Variants in COL11A1 observed in about 807,000 individuals in gnomAD.
COL11A1 encodes collagen type XI alpha 1 chain, also known as collagen alpha-1(XI) chain.
COL11A1 carries 74 observed loss-of-function variants against 265.2 expected under a neutral mutation model. That is an observed-to-expected ratio of 0.28 (90% CI 0.23 to 0.34). COL11A1 has a LOEUF of 0.34. Ranked by LOEUF, COL11A1 falls within the 10% of genes least tolerant of loss-of-function variation. The probability of loss-of-function intolerance (pLI) is 1.00; values close to 1 mark genes in which losing one functional copy is unlikely to be tolerated. For missense variants in COL11A1, 2,165 were observed against 2,263.6 expected, an observed-to-expected ratio of 0.96 and a Z score of 0.88; for synonymous variants, 816 against 727.6, an observed-to-expected ratio of 1.12 and a Z score of -1.96.
rs143801139 is a variant in COL11A1 at position 103,018,062 on chromosome 1, T to C, written c.1351-180A>G. Among the ~76,000 whole-genome samples the C allele has an allele frequency of 2.3e-3, 357 of 152,262 alleles. 2 individuals are homozygous for C. The highest frequency in any genetic ancestry group is 8.2e-3 in the African/African-American group (339 of 41,552). On this transcript the variant is annotated intron_variant, in intron 10 of 66. Coordinates refer to ENST00000370096, the MANE Select transcript of COL11A1 (RefSeq NM_001854.4). ...CATATAGAAACCAATTTGTAGCTAG[T>C]TCAGCTGCTCTCAGGGTGGAGGCAA... is the stretch of plus-strand genomic sequence containing the variant.
intron 4 of COL11A1, among the ~76,000 whole-genome samples, chr1:103,044,750 T>A (rs1453660595): frequency 6.6e-6 from 1 of 152,142 alleles, no homozygotes; most frequent in Non-Finnish European, 1.5e-5. Context: ...TAGTATTACA[T>A]GTCAGGTACT....
In COL11A1 at chr1:103,047,779, C is replaced by A. The variant is rs187462902; in HGVS notation, c.652-16535G>T. ...CTTATTATTTTGAGATATGACCCATCAATACCTAATTTATTGAGAGTTTTT... is the reference window on the plus strand; with the variant it reads ...CTTATTATTTTGAGATATGACCCATAAATACCTAATTTATTGAGAGTTTTT... On this transcript the variant is annotated intron_variant, in intron 4 of 66. Coordinates refer to ENST00000370096, the MANE Select transcript of COL11A1 (RefSeq NM_001854.4). 7.2e-5 allele frequency among the ~76,000 whole-genome samples: 11 copies of A among 152,226 alleles called. No homozygotes were observed. In the East Asian group the frequency reaches 2.1e-3, roughly 29 times the overall value.
chr1:102,979,183 C>G, intron 32 of COL11A1, 79 bp from the exon 33 acceptor site: 1 of 1,351,376 alleles, frequency 7.4e-7, no homozygotes. Flanking sequence ...AGTAGTCATG[C>G]AAGAACATCA....
intron 24 of COL11A1, 80 bp from the exon 25 acceptor site, chr1:102,998,443 T>A: frequency 5.6e-6 from 5 of 890,144 alleles, no homozygotes; most frequent in African/African-American, 1.7e-5. Flanking sequence ...ATGAATGAAA[T>A]TCTTATCCTG....
chr1:103,000,680 G>T (rs539249396), intron 24 of COL11A1, among the ~76,000 whole-genome samples: 1 of 151,798 alleles, frequency 6.6e-6, no homozygotes, highest in Non-Finnish European at 1.5e-5. Flanking sequence ...TGGTACAATC[G>T]ATATGGAAAA....
rs1340828110 is a variant in COL11A1, at chr1:103,031,204, G to A, written c.692C>T (p.Ala231Val). ...QQFLITGDPK[A>V]AYDYCEHYSP... Reference sequence around the variant, plus strand: ...ATAATGCTCACAGTAGTCATATGCTGCCTTGGGATCACCTGTGATCAAAAA... The same window carrying A: ...ATAATGCTCACAGTAGTCATATGCTACCTTGGGATCACCTGTGATCAAAAA... The change falls in exon 5 of 67, where the codon GCA becomes GTA. Residue 231 changes from alanine to valine, a missense_variant. Coordinates refer to ENST00000370096, the MANE Select transcript of COL11A1 (RefSeq NM_001854.4). The A allele has an allele frequency of 4.3e-6, 7 of 1,609,226 alleles. No homozygotes were observed. The highest frequency in any genetic ancestry group is 5.9e-6 in the Non-Finnish European group (7 of 1,179,362).
At chr1:102,913,962 T>C (rs1655005296) in intron 52 of COL11A1, among the ~76,000 whole-genome samples, 1 of 152,214 alleles carries the variant, frequency 6.6e-6, no homozygotes, top group African/African-American at 2.4e-5. Context: ...TAGTATACAA[T>C]GTCAGTGAAT....
At chr1:103,098,993 A>C (rs1003611058) in intron 1 of COL11A1, among the ~76,000 whole-genome samples, 1 of 151,814 alleles carries the variant, frequency 6.6e-6, no homozygotes, top group African/African-American at 2.4e-5. Context: ...ACATAGCTAT[A>C]TATCACATCT....
intron 4 of COL11A1, among the ~76,000 whole-genome samples, chr1:103,037,895 C>A (rs1310988382): frequency 6.6e-6 from 1 of 151,986 alleles, no homozygotes; most frequent in Admixed American, 6.6e-5. Flanking sequence ...ATTTCATCTC[C>A]CTAAATGCTA....
intron 4 of COL11A1, among the ~76,000 whole-genome samples, chr1:103,067,761 A>G (rs1446695885): frequency 1.3e-5 from 2 of 151,682 alleles, no homozygotes; most frequent in African/African-American, 4.8e-5. Flanking sequence ...AATAAAAAGT[A>G]GTTTTCAGTA....
At chr1:103,033,272 T>C (rs1396137213) in intron 4 of COL11A1, among the ~76,000 whole-genome samples, 1 of 152,104 alleles carries the variant, frequency 6.6e-6, no homozygotes, top group Non-Finnish European at 1.5e-5. Flanking sequence ...ATTTTGCTAT[T>C]TGTTTTCTAC....
At chr1:103,075,223 A>T (rs1671884706) in intron 3 of COL11A1, among the ~76,000 whole-genome samples, 1 of 152,186 alleles carries the variant, frequency 6.6e-6, no homozygotes, top group Non-Finnish European at 1.5e-5. Flanking sequence ...ATTGACTGTA[A>T]CAGGGTATGT....
At position 102,967,244 on chromosome 1, in the gene COL11A1, T is replaced by TTTTA. The variant is rs1196852689; in HGVS notation, c.2863-1705_2863-1704insTAAA. Among the ~76,000 whole-genome samples, 10 of 108,842 alleles carry TTTTA rather than the reference T, an allele frequency of 9.2e-5. 1 individual carries two copies. Among genetic ancestry groups the TTTTA allele is most frequent in the Non-Finnish European group, 1.7e-4 (9 of 52,648 alleles). The allele number at this position is 108,842 out of a possible 152,430, so 71.4% of individuals were successfully genotyped here. A position where few individuals can be genotyped will look rare whatever the true frequency, so the allele number is the denominator to read the frequency against. The stretch of plus-strand genomic sequence containing the variant: ...AATAAATTCTTTTTTTTTTTTTTTT[T>TTTTA]TTTTTTTTTTTTTTGAGACGGAGTC... On this transcript the variant is annotated intron_variant, in intron 37 of 66. Coordinates refer to ENST00000370096, the MANE Select transcript of COL11A1 (RefSeq NM_001854.4).
chr1:102,958,156 A>T (rs1010354224), intron 41 of COL11A1, among the ~76,000 whole-genome samples: 6 of 152,120 alleles, frequency 3.9e-5, no homozygotes, highest in Non-Finnish European at 8.8e-5. Context: ...TATAAAATGA[A>T]TTTTTAGAAG....
intron 1 of COL11A1, chr1:103,100,167 C>CTGA: frequency 6.6e-6 from 1 of 151,786 alleles, no homozygotes; most frequent in African/African-American, 2.4e-5. Flanking sequence ...TGATTACACT[C>CTGA]CAAAAAAGCT....
At position 103,008,571 on chromosome 1, in the gene COL11A1, T is replaced by G. The variant is rs965836416; in HGVS notation, c.1630-55A>C. 7 of 1,377,708 alleles carry G rather than the reference T, an allele frequency of 5.1e-6. No homozygotes were observed. The African/African-American group carries it at 1.0e-4, about 20-fold the overall frequency. The allele number at this position is 1,377,708 out of a possible 1,614,324, so 85.3% of individuals were successfully genotyped here. On this transcript the variant is annotated intron_variant, in intron 14 of 66. Coordinates refer to ENST00000370096, the MANE Select transcript of COL11A1 (RefSeq NM_001854.4). ...TAATTTAGCAATTTCCTAACTACTTTTATCCTGCCAATTGCACCTGAAATA... is the reference window on the plus strand; with the variant it reads ...TAATTTAGCAATTTCCTAACTACTTGTATCCTGCCAATTGCACCTGAAATA...
chr1:102,952,020 TTAA>T (rs1347310511), intron 41 of COL11A1, among the ~76,000 whole-genome samples: 1 of 152,166 alleles, frequency 6.6e-6, no homozygotes, highest in African/African-American at 2.4e-5. Context: ...TTGAAATATT[TTAA>T]TAATTATTTT....
At position 102,876,892 on chromosome 1, in the gene COL11A1, G is replaced by T. The variant is rs901523279; in HGVS notation, c.*1127C>A. 1.3e-5 allele frequency: 2 copies of T among 152,234 alleles called. No individual in the cohort carries two copies. The highest frequency in any genetic ancestry group is 4.8e-5 in the African/African-American group (2 of 41,432). 9.4% of individuals were successfully genotyped at this position (152,234 alleles called of 1,614,324 possible). On this transcript the variant is annotated 3_prime_UTR_variant, in exon 67 of 67. Transcript: ENST00000370096. ...CATTTAGCAATTAGGTAGGTCAAAT[G>T]ATTTATAAAATTATCTTGAAAGGAA...
At chr1:103,041,101 T>G (rs1298143660) in intron 4 of COL11A1, among the ~76,000 whole-genome samples, 1 of 151,976 alleles carries the variant, frequency 6.6e-6, no homozygotes, top group Non-Finnish European at 1.5e-5. Context: ...ATTGTGAAGG[T>G]CAAATATGGC....
Sources: allele counts gnomAD v4.1 joint callset (sites outside exome capture counted in the v4.1 genomes callset), GRCh38; gene constraint gnomAD v4.1.1; transcripts MANE v1.5; gene names NCBI Gene and HGNC (gene_info 2026-07-23, HGNC 2026-07-21).